Variants in HDX observed in about 807,000 individuals in gnomAD.
HDX encodes highly divergent homeobox.
Under a neutral mutation model 45.2 loss-of-function variants are expected in HDX, and 19 were observed. That is an observed-to-expected ratio of 0.42 (90% confidence interval 0.29 to 0.62). HDX has a LOEUF of 0.62. Ranked by LOEUF, HDX falls within the 20% of genes least tolerant of loss-of-function variation. HDX has a pLI of 0.20. For synonymous variants in HDX, 188 were observed against 172.8 expected (o/e 1.09, Z -0.69); for missense variants, 532 against 493.9 (o/e 1.08, Z -0.73).
At chrX:84,414,198 T>C (rs2039051547) in intron 5 of HDX, among the ~76,000 whole-genome samples, 1 of 111,840 alleles carries the variant, frequency 8.9e-6, no homozygotes, top group African/African-American at 3.3e-5. Context: ...CATAATCACC[T>C]GAGATATTTA....
At chrX:84,408,634 G>T (rs1485514374) in intron 5 of HDX, among the ~76,000 whole-genome samples, 1 of 106,352 alleles carries the variant, frequency 9.4e-6, no homozygotes, top group African/African-American at 3.4e-5. Context: ...ATAGCATTCA[G>T]TCTGTGAATT....
chrX:84,481,428 A>G (rs1427453453), intron 2 of HDX, among the ~76,000 whole-genome samples: 1 of 111,552 alleles, frequency 9.0e-6, no homozygotes, highest in Non-Finnish European at 1.9e-5. Flanking sequence ...CACAGGAGAC[A>G]TGGTGGATCC....
Position 84,321,704 on chromosome X carries a change from T to G in HDX, c.*185A>C, listed in dbSNP as rs1039180674. The G allele has an allele frequency of 7.4e-5, 21 of 285,480 alleles. No homozygotes were observed. In the East Asian group the frequency reaches 1.1e-3, roughly 16 times the overall value. 23.5% of individuals were successfully genotyped at this position (285,480 alleles called of 1,213,427 possible). The stretch of plus-strand genomic sequence containing the variant: ...AAAATACTCTCTCAAACAATGCTTT[T>G]AAATTTCACCTACATTTTTGTTGCA... On this transcript the variant is annotated 3_prime_UTR_variant, in exon 11 of 11. Transcript: ENST00000373177.
chrX:84,320,834 G>A lies in HDX; in HGVS notation c.*1055C>T, dbSNP rs1251357575. On this transcript the variant is annotated 3_prime_UTR_variant, in exon 11 of 11. Coordinates refer to ENST00000373177, the MANE Select transcript of HDX (RefSeq NM_001177479.2). ...ACTGGGTAGCTTGCCCATTTTAGGT[G>A]TGTACTCATAGAATAGTATTCATGG... 1 of 110,407 alleles carries A rather than the reference G, an allele frequency of 9.1e-6. No homozygotes were observed. 9.1% of individuals were successfully genotyped at this position (110,407 alleles called of 1,213,427 possible).
intron 5 of HDX, among the ~76,000 whole-genome samples, chrX:84,380,411 C>A (rs769439622): frequency 9.2e-6 from 1 of 109,277 alleles, no homozygotes; most frequent in African/African-American, 3.3e-5. Flanking sequence ...GATAAAGACA[C>A]CTCAAAAAAA....
chrX:84,344,649 A>G (rs754456495), intron 6 of HDX, among the ~76,000 whole-genome samples, 192 bp from the exon 7 acceptor site: 2 of 111,583 alleles, frequency 1.8e-5, no homozygotes, highest in South Asian at 7.4e-4. Flanking sequence ...AACTTATTTT[A>G]TTTATAACTG....
intron 5 of HDX, 131 bp downstream of exon 5, chrX:84,440,401 C>A: frequency 6.4e-6 from 3 of 470,842 alleles, no homozygotes; most frequent in Non-Finnish European, 1.1e-5. Flanking sequence ...TGAAAAATGT[C>A]CTTTGAGACA....
At chrX:84,427,151 T>C (rs147219138) in intron 5 of HDX, among the ~76,000 whole-genome samples, 1,911 of 110,703 alleles carry the variant, frequency 0.017, 45 homozygotes, top group African/African-American at 0.06. Flanking sequence ...ATCAAATATG[T>C]ATTTTGCACC....
chrX:84,429,294 T>C, intron 5 of HDX, among the ~76,000 whole-genome samples: 1 of 110,616 alleles, frequency 9.0e-6, no homozygotes, highest in Non-Finnish European at 1.9e-5. Context: ...TCTTAGCATA[T>C]TAGAAATTTT....
intron 5 of HDX, among the ~76,000 whole-genome samples, chrX:84,371,479 A>G (rs917447168): frequency 4.5e-5 from 5 of 112,206 alleles, no homozygotes; most frequent in African/African-American, 1.3e-4. Flanking sequence ...CAGGTACCTG[A>G]GAGAATAAAC....
intron 8 of HDX, among the ~76,000 whole-genome samples, chrX:84,335,821 T>C (rs1040206182): frequency 9.0e-6 from 1 of 110,897 alleles, no homozygotes; most frequent in Non-Finnish European, 1.9e-5. Flanking sequence ...AATACAATCC[T>C]AAACTATATT....
chrX:84,392,519 T>G (rs1475473610), intron 5 of HDX, among the ~76,000 whole-genome samples: 2 of 111,460 alleles, frequency 1.8e-5, no homozygotes, highest in Non-Finnish European at 3.8e-5. Flanking sequence ...TATAATAATT[T>G]TAATGATCTA....
intron 5 of HDX, among the ~76,000 whole-genome samples, chrX:84,376,665 C>T (rs909279441): frequency 2.7e-5 from 3 of 112,037 alleles, no homozygotes; most frequent in Admixed American, 9.4e-5. Flanking sequence ...TTGCCTTTGG[C>T]AAGGGTAGGG....
At chrX:84,339,036 T>C (rs2147787931) in intron 7 of HDX, among the ~76,000 whole-genome samples, 1 of 111,492 alleles carries the variant, frequency 9.0e-6, no homozygotes, top group East Asian at 2.8e-4. Context: ...TAAATCTCTT[T>C]TCTTTATAAA....
intron 5 of HDX, among the ~76,000 whole-genome samples, chrX:84,404,597 C>A: frequency 9.0e-6 from 1 of 111,183 alleles, no homozygotes; most frequent in Middle Eastern, 4.7e-3. Context: ...GGACACAGGA[C>A]ATACAAACAG....
intron 6 of HDX, among the ~76,000 whole-genome samples, chrX:84,345,308 T>C (rs181858619): frequency 5.9e-4 from 66 of 111,275 alleles, no homozygotes; most frequent in Admixed American, 1.5e-3. Context: ...TTCCTCTTCC[T>C]CTCCTTCCCA....
chrX:84,339,315 GAA>G (rs762571350), intron 7 of HDX, among the ~76,000 whole-genome samples: 2 of 111,312 alleles, frequency 1.8e-5, no homozygotes, highest in East Asian at 5.7e-4. Flanking sequence ...TGAAGGAAGG[GAA>G]AAAGTGTCAT....
intron 2 of HDX, among the ~76,000 whole-genome samples, chrX:84,479,763 G>A (rs2040636203): frequency 9.0e-6 from 1 of 111,271 alleles, no homozygotes; most frequent in African/African-American, 3.3e-5. Context: ...TTTCCTAGTT[G>A]TGTAATTGAA....
chrX:84,382,835 ATAAC>A (rs2038220967), intron 5 of HDX, among the ~76,000 whole-genome samples: 1 of 111,337 alleles, frequency 9.0e-6, no homozygotes, highest in Non-Finnish European at 1.9e-5. Flanking sequence ...ATTTTTTAAA[ATAAC>A]TAAAAGAGTG....
Sources: gnomAD v4.1 joint callset for allele counts (sites outside exome capture counted in the v4.1 genomes callset) on GRCh38, gnomAD v4.1.1 for gene constraint, MANE v1.5 for transcripts, NCBI Gene and HGNC (gene_info 2026-07-23, HGNC 2026-07-21) for gene names.